SPECC1: variants seen among roughly 807,000 people sequenced by gnomAD.
SPECC1 encodes sperm antigen with calponin homology and coiled-coil domains 1.
Under a neutral mutation model 104.1 loss-of-function variants are expected in SPECC1, and 62 were observed. The ratio of observed to expected loss-of-function variants is 0.60; its 90% confidence interval spans 0.49 to 0.74. The LOEUF (loss-of-function observed/expected upper bound fraction) is 0.74. SPECC1 is among the 30% of genes least tolerant of loss of function. The pLI is 0.00. For synonymous variants in SPECC1, 513 were observed against 501.6 expected (o/e 1.02, Z -0.30); for missense variants, 1,306 against 1,310.5 (o/e 1.00, Z 0.05).
intron 1 of SPECC1, among the ~76,000 whole-genome samples, chr17:20,082,641 C>T (rs1203597237): frequency 6.6e-6 from 1 of 152,118 alleles, no homozygotes; most frequent in Non-Finnish European, 1.5e-5. Context: ...TGTATCTTCA[C>T]ATGGTTATCC....
chr17:20,056,925 G>A (rs1278719982), intron 1 of SPECC1, among the ~76,000 whole-genome samples: 1 of 152,114 alleles, frequency 6.6e-6, no homozygotes, highest in Non-Finnish European at 1.5e-5. Flanking sequence ...CAAATTTCCA[G>A]AGCCCTTCCA....
rs763033374 is a variant in SPECC1 at position 20,205,075 on chromosome 17, C to T, written c.1026C>T (p.Pro342=). Residue 342 remains proline (P), a synonymous_variant, in exon 4 of 15, where the codon CCC becomes CCT. Transcript: ENST00000395527. ...EHITAETPSR[P]LSSTSNPFKS... is the part of the protein sequence containing the mutation. Reference sequence around the variant, plus strand: ...TTACAGCAGAGACACCCTCAAGGCCCCTGTCCTCCACCAGTAACCCCTTTA... The same window carrying T: ...TTACAGCAGAGACACCCTCAAGGCCTCTGTCCTCCACCAGTAACCCCTTTA... The T allele has an allele frequency of 6.2e-7, 1 of 1,614,172 alleles. No homozygotes were observed. The highest frequency in any genetic ancestry group is 1.7e-5 in the Admixed American group (1 of 60,014).
intron 3 of SPECC1, among the ~76,000 whole-genome samples, chr17:20,171,434 T>G (rs373619452): frequency 3.9e-5 from 6 of 152,360 alleles, no homozygotes; most frequent in East Asian, 1.9e-4. Flanking sequence ...TTAAAATGAC[T>G]TCTTCTGTAA....
rs2042059060 is a variant in SPECC1, at chr17:20,317,829, CCTT to C, written c.*3767_*3769del. 1 of 225,114 alleles carries C rather than the reference CCTT, an allele frequency of 4.4e-6. No homozygotes were observed. Among genetic ancestry groups the C allele is most frequent in the East Asian group, 6.4e-5 (1 of 15,560 alleles). The allele number at this position is 225,114 out of a possible 1,614,324, so 13.9% of individuals were successfully genotyped here. A position where few individuals can be genotyped will look rare whatever the true frequency, so the allele number is the denominator to read the frequency against. Reference sequence around the variant, plus strand: ...ATGGCCTCAGGAGTCCAGGAATAGGCCTTCTAGCACAGCAGCTAGTAGGGCTCC... The same window carrying C: ...ATGGCCTCAGGAGTCCAGGAATAGGCCTAGCACAGCAGCTAGTAGGGCTCC... On this transcript the variant is annotated 3_prime_UTR_variant, in exon 15 of 15. Coordinates refer to ENST00000395527, the MANE Select transcript of SPECC1 (RefSeq NM_001243439.2).
chr17:20,075,322 A>G (rs777222602), intron 1 of SPECC1, among the ~76,000 whole-genome samples: 6 of 152,166 alleles, frequency 3.9e-5, no homozygotes, highest in Non-Finnish European at 7.3e-5. Context: ...TCTTCACTTA[A>G]TAGCTGAGGA....
At chr17:20,259,740 G>A (rs1249967485) in intron 11 of SPECC1, among the ~76,000 whole-genome samples, 1 of 151,920 alleles carries the variant, frequency 6.6e-6, no homozygotes, top group Non-Finnish European at 1.5e-5. Context: ...TTGAACTCTT[G>A]GGCTCAAGAG....
chr17:20,112,560 G>A (rs565016272), intron 3 of SPECC1: 54 of 794,902 alleles, frequency 6.8e-5, no homozygotes, highest in African/African-American at 2.0e-4. Context: ...AGTTTAAGCC[G>A]CTGCAGTCTT....
intron 1 of SPECC1, among the ~76,000 whole-genome samples, chr17:20,012,855 T>A (rs542713773): frequency 7.7e-4 from 117 of 152,344 alleles, no homozygotes; most frequent in African/African-American, 2.6e-3. Context: ...CTGTATCCAT[T>A]ACCGCAGCCC....
rs535416715 is a variant in SPECC1 at position 20,159,069 on chromosome 17, C to T, written c.284-45264C>T. 2.0e-4 allele frequency among the ~76,000 whole-genome samples: 30 copies of T among 151,924 alleles called. No individual in the cohort carries two copies. In the East Asian group the frequency reaches 3.3e-3, roughly 17 times the overall value. ...GCCTCCTGGGTTAAAGCGATCCTCC[C>T]GAGTAGCTGAGACTGCAGGTGTGCA... On this transcript the variant is annotated intron_variant, in intron 3 of 14. Coordinates refer to ENST00000395527, the MANE Select transcript of SPECC1 (RefSeq NM_001243439.2).
chr17:20,201,251 G>GATC (rs1390015273), intron 3 of SPECC1, among the ~76,000 whole-genome samples: 1 of 151,818 alleles, frequency 6.6e-6, no homozygotes, highest in Non-Finnish European at 1.5e-5. Flanking sequence ...CCTGAGGTCA[G>GATC]GAGATCGAGA....
intron 1 of SPECC1, among the ~76,000 whole-genome samples, chr17:20,087,285 C>T (rs139967405): frequency 1.8e-3 from 267 of 152,252 alleles, no homozygotes; most frequent in Middle Eastern, 6.8e-3. Flanking sequence ...AATTATTTCT[C>T]AAGCATGACT....
chr17:20,305,646 A>G (rs1429366915), intron 13 of SPECC1: 1 of 161,904 alleles, frequency 6.2e-6, no homozygotes, highest in African/African-American at 2.4e-5. Context: ...TGATTTAAAT[A>G]CAATCTATAT....
intron 12 of SPECC1, among the ~76,000 whole-genome samples, chr17:20,280,693 A>G (rs1330496939): frequency 6.6e-6 from 1 of 152,174 alleles, no homozygotes; most frequent in Admixed American, 6.5e-5. Flanking sequence ...TGAGAAATGG[A>G]ATTTTGATAT....
At chr17:20,213,226 T>C (rs2037271136) in intron 4 of SPECC1, among the ~76,000 whole-genome samples, 2 of 152,130 alleles carry the variant, frequency 1.3e-5, no homozygotes, top group South Asian at 4.1e-4. Context: ...GCTTCCCAAG[T>C]AGCTGGAATT....
intron 3 of SPECC1, among the ~76,000 whole-genome samples, chr17:20,159,789 A>T (rs1051885806): frequency 1.3e-5 from 2 of 152,190 alleles, no homozygotes; most frequent in Non-Finnish European, 1.5e-5. Flanking sequence ...ATGCTTCCTA[A>T]AAGGTCCTAG....
At chr17:20,013,571 C>A (rs1394844151) in intron 1 of SPECC1, among the ~76,000 whole-genome samples, 1 of 152,054 alleles carries the variant, frequency 6.6e-6, no homozygotes, top group African/African-American at 2.4e-5. Flanking sequence ...GCACGATCTC[C>A]GCTCACTGCG....
intron 4 of SPECC1, among the ~76,000 whole-genome samples, chr17:20,222,373 T>G (rs1319338543): frequency 6.6e-6 from 1 of 151,756 alleles, no homozygotes; most frequent in African/African-American, 2.4e-5. Context: ...TGGCCTAACA[T>G]GTGGTCTCTC....
At chr17:20,123,157 A>T (rs920646272) in intron 3 of SPECC1, among the ~76,000 whole-genome samples, 5 of 152,238 alleles carry the variant, frequency 3.3e-5, no homozygotes, top group Non-Finnish European at 7.3e-5. Flanking sequence ...AGTCGGCTAG[A>T]AGGAGGTTCA....
At chr17:20,128,655 C>CT (rs1417206139) in intron 3 of SPECC1, among the ~76,000 whole-genome samples, 1 of 151,824 alleles carries the variant, frequency 6.6e-6, no homozygotes, top group Non-Finnish European at 1.5e-5. Context: ...TCATTTTCAT[C>CT]TTTTTTTTAA....
Sources: gnomAD v4.1 joint callset for allele counts (sites outside exome capture counted in the v4.1 genomes callset) on GRCh38, gnomAD v4.1.1 for gene constraint, MANE v1.5 for transcripts, NCBI Gene and HGNC (gene_info 2026-07-23, HGNC 2026-07-21) for gene names.